The following NRXN1 variants were observed in gnomAD, a reference collection of about 807,000 sequenced individuals.
NRXN1 encodes neurexin 1, also known as neurexin-1.
Under a neutral mutation model 150.9 loss-of-function variants are expected in NRXN1, and 39 were observed. That is an observed-to-expected ratio of 0.26 (90% CI 0.20 to 0.34). NRXN1 has a LOEUF of 0.34. NRXN1 is among the 10% of genes least tolerant of loss of function. NRXN1 has a pLI of 1.00. For missense variants in NRXN1, 1,815 were observed against 1,949.9 expected (o/e 0.93, Z 1.30); for synonymous variants, 924 against 757.0 (o/e 1.22, Z -3.62).
chr2:50,337,015 C>T (rs1317058751), intron 17 of NRXN1, among the ~76,000 whole-genome samples: 3 of 151,170 alleles, frequency 2.0e-5, no homozygotes, highest in Non-Finnish European at 4.4e-5. Context: ...AATGCTCAGT[C>T]AGAATAAATT....
intron 19 of NRXN1, among the ~76,000 whole-genome samples, chr2:50,067,097 C>T (rs1695479630): frequency 6.6e-6 from 1 of 152,088 alleles, no homozygotes; most frequent in African/African-American, 2.4e-5. Context: ...AAACAGCAGG[C>T]TTTTATATCC....
intron 17 of NRXN1, among the ~76,000 whole-genome samples, chr2:50,407,436 T>TC (rs2082828018): frequency 6.6e-6 from 1 of 152,168 alleles, no homozygotes; most frequent in African/African-American, 2.4e-5. Context: ...CAAATCACTG[T>TC]CTTCAGCCTC....
In NRXN1 at chr2:50,531,412, T is replaced by C. The variant is rs1419521051; in HGVS notation, c.2162A>G (p.Tyr721Cys). Reference sequence around the variant, plus strand: ...AATTTTCATAAACATGCTCCCATCATAGCTCAAAACCGTTGCCTCTAGAGA... The same window carrying C: ...AATTTTCATAAACATGCTCCCATCACAGCTCAAAACCGTTGCCTCTAGAGA... The part of the protein sequence containing the change: ...SCEREATVLS[Y>C]DGSMFMKIQL... Residue 721 changes from tyrosine (Y) to cysteine (C), a missense_variant, in exon 11 of 23, where the codon TAT becomes TGT. Physicochemically the swap from Tyr to Cys is radical, Grantham distance 194. Transcript: ENST00000401669. 6.2e-7 allele frequency: 1 copy of C among 1,611,534 alleles called. No individual in the cohort carries two copies. The highest frequency in any genetic ancestry group is 1.7e-5 in the Admixed American group (1 of 59,720).
At chr2:50,488,966 G>C (rs780120666) in intron 15 of NRXN1, among the ~76,000 whole-genome samples, 1 of 152,112 alleles carries the variant, frequency 6.6e-6, no homozygotes, top group South Asian at 2.1e-4. Flanking sequence ...CCTGACCTTT[G>C]AGAACTCAGC....
intron 17 of NRXN1, among the ~76,000 whole-genome samples, chr2:50,395,823 C>T (rs2082018068): frequency 6.6e-6 from 1 of 152,128 alleles, no homozygotes; most frequent in Non-Finnish European, 1.5e-5. Context: ...GTGAAATTTG[C>T]ATCCTTGCCT....
chr2:50,499,551 T>A (rs771423364), intron 13 of NRXN1, among the ~76,000 whole-genome samples: 3,759 of 152,254 alleles, frequency 0.025, 61 homozygotes, highest in Non-Finnish European at 0.037. Context: ...GATCTACTTC[T>A]TTGGTAAAAA....
intron 8 of NRXN1, among the ~76,000 whole-genome samples, chr2:50,587,734 A>T (rs1319730676): frequency 6.6e-6 from 1 of 152,188 alleles, no homozygotes; most frequent in East Asian, 1.9e-4. Flanking sequence ...TAAAATATTA[A>T]TTAAATGATA....
intron 17 of NRXN1, among the ~76,000 whole-genome samples, chr2:50,309,137 T>G (rs74611040): frequency 0.041 from 6,245 of 152,284 alleles, 428 homozygotes; most frequent in African/African-American, 0.14. Flanking sequence ...TTTATAGATT[T>G]GTTATTTGAT....
At chr2:49,979,865 C>G (rs1679665878) in intron 21 of NRXN1, among the ~76,000 whole-genome samples, 1 of 150,668 alleles carries the variant, frequency 6.6e-6, no homozygotes, top group Non-Finnish European at 1.5e-5. Flanking sequence ...AATTAATGTC[C>G]AAGTGAGTAA....
chr2:50,663,434 C>T (rs1312337444), intron 5 of NRXN1, among the ~76,000 whole-genome samples: 1 of 152,028 alleles, frequency 6.6e-6, no homozygotes, highest in Non-Finnish European at 1.5e-5. Context: ...TTGACCTCCT[C>T]TCCATGATCT....
At chr2:50,120,521 T>C (rs1206677661) in intron 18 of NRXN1, among the ~76,000 whole-genome samples, 2 of 152,180 alleles carry the variant, frequency 1.3e-5, no homozygotes, top group Admixed American at 6.6e-5. Context: ...CTTTTCAAAA[T>C]AGGCAATGTG....
At chr2:50,887,564 A>G (rs1359881746) in intron 5 of NRXN1, among the ~76,000 whole-genome samples, 1 of 151,436 alleles carries the variant, frequency 6.6e-6, no homozygotes, top group Non-Finnish European at 1.5e-5. Context: ...TTTAGTGTTT[A>G]ACATCTGTGA....
intron 5 of NRXN1, among the ~76,000 whole-genome samples, chr2:50,677,796 T>A (rs1689766145): frequency 6.6e-6 from 1 of 152,086 alleles, no homozygotes; most frequent in South Asian, 2.1e-4. Flanking sequence ...AAAGCAGGTT[T>A]CCCACCCCTC....
chr2:49,933,083 ATTTTTG>A (rs1236272527), intron 22 of NRXN1, among the ~76,000 whole-genome samples: 6 of 151,484 alleles, frequency 4.0e-5, no homozygotes, highest in Non-Finnish European at 8.8e-5. Flanking sequence ...TTGTTTGTTT[ATTTTTG>A]TTTTTGTTTT....
At chr2:50,209,688 A>G (rs1227382806) in intron 18 of NRXN1, among the ~76,000 whole-genome samples, 1 of 152,244 alleles carries the variant, frequency 6.6e-6, no homozygotes, top group Non-Finnish European at 1.5e-5. Context: ...ATGTATGTAA[A>G]TAAGACATGT....
chr2:50,882,023 G>A (rs1438661965), intron 5 of NRXN1, among the ~76,000 whole-genome samples: 1 of 151,644 alleles, frequency 6.6e-6, no homozygotes, highest in African/African-American at 2.4e-5. Context: ...TCAAATTTTT[G>A]TTCTTTGCAA....
At chr2:50,961,226 C>T (rs1693137685) in intron 2 of NRXN1, among the ~76,000 whole-genome samples, 1 of 151,804 alleles carries the variant, frequency 6.6e-6, no homozygotes, top group Non-Finnish European at 1.5e-5. Flanking sequence ...CACATAAGTA[C>T]ATGATAACAT....
chr2:50,807,026 T>C (rs1394336975), intron 5 of NRXN1, among the ~76,000 whole-genome samples: 2 of 152,112 alleles, frequency 1.3e-5, no homozygotes, highest in Non-Finnish European at 2.9e-5. Flanking sequence ...ATTCTGGGGG[T>C]AGCATACACG....
At chr2:50,713,592 A>G (rs1336914744) in intron 5 of NRXN1, among the ~76,000 whole-genome samples, 1 of 152,156 alleles carries the variant, frequency 6.6e-6, no homozygotes, top group East Asian at 1.9e-4. Flanking sequence ...CGCCTTTCAA[A>G]TACACATTGT....
Sources: gnomAD v4.1 joint callset for allele counts (sites outside exome capture counted in the v4.1 genomes callset) on GRCh38, gnomAD v4.1.1 for gene constraint, MANE v1.5 for transcripts, NCBI Gene and HGNC (gene_info 2026-07-23, HGNC 2026-07-21) for gene names.